Variants in GALK2 observed in about 807,000 individuals in gnomAD.
GALK2 encodes the protein galactokinase 2.
GALK2 carries 36 observed loss-of-function variants against 52.4 expected under a neutral mutation model. The observed-to-expected ratio is 0.69, with a 90% confidence interval of 0.53 to 0.91. GALK2 has a LOEUF of 0.91. GALK2 is among the 40% of genes least tolerant of loss of function. The pLI is 0.00. For synonymous variants in GALK2, 176 were observed against 199.1 expected, an observed-to-expected ratio of 0.88 and a Z score of 0.98; for missense variants, 579 against 559.1, an observed-to-expected ratio of 1.04 and a Z score of -0.36.
At chr15:49,193,719 T>A (rs953051713) in intron 1 of GALK2, among the ~76,000 whole-genome samples, 8 of 151,788 alleles carry the variant, frequency 5.3e-5, no homozygotes, top group South Asian at 2.1e-4. Flanking sequence ...TCTGTTTTTT[T>A]ATTTTTTTAT....
chr15:49,156,818 C>A lies in GALK2; in HGVS notation c.20+802C>A, dbSNP rs916348883. ...TACTTTTGAAGTCAAAATCTTCCCT[C>A]CTGAAGACAAGAAAGCAATACAATC... On this transcript the variant is annotated intron_variant, in intron 1 of 9. Transcript: ENST00000327171. 4.0e-4 allele frequency: 287 copies of A among 719,880 alleles called. 1 individual carries two copies. Among genetic ancestry groups the A allele is most frequent in the Non-Finnish European group, 5.7e-4 (261 of 456,020 alleles). 44.6% of individuals were successfully genotyped at this position (719,880 alleles called of 1,614,324 possible).
intron 3 of GALK2, among the ~76,000 whole-genome samples, chr15:49,343,421 T>C (rs2041032447): frequency 6.6e-6 from 1 of 152,134 alleles, no homozygotes; most frequent in Non-Finnish European, 1.5e-5. Context: ...TTTCCTGAAT[T>C]GATTTAGGAG....
At chr15:49,355,547 A>C (rs1434269725) in intron 3 of GALK2, among the ~76,000 whole-genome samples, 1 of 152,224 alleles carries the variant, frequency 6.6e-6, no homozygotes, top group East Asian at 1.9e-4. Context: ...AGAAAAAAGA[A>C]TAAAAAGAAA....
chr15:49,216,977 G>C (rs562872050), intron 2 of GALK2, among the ~76,000 whole-genome samples: 17 of 152,046 alleles, frequency 1.1e-4, no homozygotes, highest in Non-Finnish European at 1.9e-4. Context: ...GAATTTTCTG[G>C]GTTCTTATGA....
chr15:49,345,752 T>C (rs1254581217), intron 3 of GALK2, among the ~76,000 whole-genome samples: 1 of 152,200 alleles, frequency 6.6e-6, no homozygotes, highest in African/African-American at 2.4e-5. Flanking sequence ...TAAGACCTTC[T>C]CAACTCAGGA....
chr15:49,277,708 A>G (rs533678468), intron 5 of GALK2, among the ~76,000 whole-genome samples: 10 of 150,620 alleles, frequency 6.6e-5, no homozygotes, highest in African/African-American at 2.4e-4. Flanking sequence ...AGGCAGGAGA[A>G]TGGCGTGAAC....
chr15:49,184,951 AT>A (rs2086242964), intron 1 of GALK2, among the ~76,000 whole-genome samples: 1 of 151,984 alleles, frequency 6.6e-6, no homozygotes, highest in South Asian at 2.1e-4. Context: ...TTACCAGTGA[AT>A]TTTCTATCTT....
intron 3 of GALK2, among the ~76,000 whole-genome samples, chr15:49,354,379 G>C (rs1204916927): frequency 6.6e-6 from 1 of 152,200 alleles, no homozygotes; most frequent in Non-Finnish European, 1.5e-5. Context: ...GCGCAGGTCA[G>C]TGGGTGCGCG....
At chr15:49,299,743 C>CTTTCTTTCTTTCTTTCTTTCTTTTTTTTT (rs2034858672) in intron 8 of GALK2, among the ~76,000 whole-genome samples, 9 of 107,818 alleles carry the variant, frequency 8.3e-5, no homozygotes, top group African/African-American at 3.3e-4. Context: ...TCTTTTCTTT[C>CTTTCTTTCTTTCTTTCTTTCTTTTTTTTT]TTTCTTTCTT....
At chr15:49,215,007 C>T (rs1050505648) in intron 2 of GALK2, among the ~76,000 whole-genome samples, 2 of 152,148 alleles carry the variant, frequency 1.3e-5, no homozygotes, top group African/African-American at 4.8e-5. Flanking sequence ...TATTCTAGTT[C>T]AAAAGTTGTT....
At chr15:49,209,750 G>T (rs1037740410) in intron 2 of GALK2, among the ~76,000 whole-genome samples, 3 of 151,968 alleles carry the variant, frequency 2.0e-5, no homozygotes, top group African/African-American at 7.3e-5. Context: ...ATTTTATTGA[G>T]GATTTTTGAT....
At chr15:49,155,783 G>T in exon 1 of GALK2, 1 of 673,666 alleles carries the variant, frequency 1.5e-6, no homozygotes, top group Non-Finnish European at 2.5e-6. Flanking sequence ...CGAAGTGGTT[G>T]GTGCCTTAGC....
At chr15:49,217,725 C>A (rs919226359) in intron 3 of GALK2, among the ~76,000 whole-genome samples, 2 of 152,060 alleles carry the variant, frequency 1.3e-5, no homozygotes. Flanking sequence ...CCTGTGTCAC[C>A]CAGTAGACTG....
rs374016997 is a variant in GALK2 at position 49,306,867 on chromosome 15, A to T, written c.968-12737A>T. Reference sequence around the variant, plus strand: ...CAAAAATGTGGCTCATCCAGGGAGCAGCTTCAGATTCTTCCCTTGCTAATA... The same window carrying T: ...CAAAAATGTGGCTCATCCAGGGAGCTGCTTCAGATTCTTCCCTTGCTAATA... On this transcript the variant is annotated intron_variant, in intron 8 of 9. Coordinates refer to ENST00000560031, the MANE Select transcript of GALK2 (RefSeq NM_002044.4). 2.6e-5 allele frequency among the ~76,000 whole-genome samples: 4 copies of T among 152,328 alleles called. No homozygotes were observed. In the South Asian group the frequency reaches 8.3e-4, roughly 32 times the overall value.
chr15:49,266,190 G>C (rs1595893579), intron 5 of GALK2, among the ~76,000 whole-genome samples: 1 of 152,160 alleles, frequency 6.6e-6, no homozygotes, highest in Non-Finnish European at 1.5e-5. Flanking sequence ...TCCAAATGGA[G>C]ATCTCCAGCT....
intron 7 of GALK2, among the ~76,000 whole-genome samples, chr15:49,289,675 C>A (rs752460353): frequency 5.9e-5 from 9 of 152,160 alleles, no homozygotes; most frequent in Non-Finnish European, 1.0e-4. Flanking sequence ...TGATTTGAAG[C>A]TCAGCGGGCC....
intron 9 of GALK2, among the ~76,000 whole-genome samples, chr15:49,320,383 G>A (rs565829932): frequency 7.9e-5 from 12 of 152,264 alleles, no homozygotes; most frequent in African/African-American, 2.9e-4. Flanking sequence ...GTTAATAGAG[G>A]CAGAAATGTA....
intron 1 of GALK2, chr15:49,156,611 A>G (rs1242541786): frequency 1.9e-6 from 1 of 520,904 alleles, no homozygotes; most frequent in Non-Finnish European, 3.8e-6. Flanking sequence ...CAGATTGCCG[A>G]AAGGCCATCA....
exon 1 of GALK2, chr15:49,155,842 G>A (rs1216975269): frequency 5.9e-6 from 5 of 840,930 alleles, no homozygotes; most frequent in Non-Finnish European, 9.5e-6. Flanking sequence ...GGTCTCAGCC[G>A]AAGGGCGTCG....
Sources: allele counts gnomAD v4.1 joint callset (sites outside exome capture counted in the v4.1 genomes callset), GRCh38; gene constraint gnomAD v4.1.1; transcripts MANE v1.5; gene names NCBI Gene and HGNC (gene_info 2026-07-23, HGNC 2026-07-21).